Variants in ARMH4 observed in about 807,000 individuals in gnomAD.
ARMH4 encodes the protein armadillo like helical domain containing 4, also known as armadillo-like helical domain-containing protein 4.
A neutral mutation model predicts 61.9 loss-of-function variants in ARMH4; 49 were observed. That is an observed-to-expected ratio of 0.79 (90% CI 0.63 to 1.00). ARMH4 has a LOEUF of 1.00. Ranked by LOEUF, ARMH4 falls within the 50% of genes least tolerant of loss-of-function variation. The pLI is 0.00. For missense variants in ARMH4, 934 were observed against 930.0 expected (o/e 1.00, Z -0.06); for synonymous variants, 368 against 341.5 (o/e 1.08, Z -0.85).
chr14:58,029,131 C>T (rs7148795), intron 5 of ARMH4, among the ~76,000 whole-genome samples: 68,895 of 151,846 alleles, frequency 0.45, 16,287 homozygotes, highest in East Asian at 0.67. Context: ...TGGCAACCAC[C>T]CATTCACTTT....
intron 6 of ARMH4, among the ~76,000 whole-genome samples, chr14:58,010,867 C>A (rs1882384284): frequency 6.6e-6 from 1 of 150,740 alleles, no homozygotes; most frequent in Admixed American, 6.6e-5. Flanking sequence ...TCTTAAATAA[C>A]TCAGGATACT....
chr14:58,120,272 T>C (rs2141303114), intron 4 of ARMH4, among the ~76,000 whole-genome samples: 1 of 152,156 alleles, frequency 6.6e-6, no homozygotes, highest in South Asian at 2.1e-4. Context: ...ATATATGAGG[T>C]GTGTTGTTGA....
chr14:58,089,743 G>A (rs1885498540), intron 5 of ARMH4, among the ~76,000 whole-genome samples: 1 of 152,196 alleles, frequency 6.6e-6, no homozygotes. Context: ...AGGACAGCAA[G>A]GCTGATATAA....
chr14:58,029,102 C>G (rs933803032), intron 5 of ARMH4, among the ~76,000 whole-genome samples: 6 of 152,286 alleles, frequency 3.9e-5, no homozygotes, highest in African/African-American at 1.4e-4. Context: ...CCTCTCCATT[C>G]CCCTCACTCC....
chr14:58,139,871 G>A (rs1887473065), intron 1 of ARMH4, among the ~76,000 whole-genome samples: 1 of 152,188 alleles, frequency 6.6e-6, no homozygotes, highest in Non-Finnish European at 1.5e-5. Context: ...GAATTCATGT[G>A]TTGAAACCTA....
intron 5 of ARMH4, among the ~76,000 whole-genome samples, chr14:58,089,279 C>T (rs1352354880): frequency 6.6e-6 from 1 of 152,212 alleles, no homozygotes; most frequent in African/African-American, 2.4e-5. Flanking sequence ...TCTCACACTT[C>T]CCACTATTTT....
At chr14:58,041,079 T>C (rs1247714961) in intron 5 of ARMH4, among the ~76,000 whole-genome samples, 1 of 152,180 alleles carries the variant, frequency 6.6e-6, no homozygotes, top group Non-Finnish European at 1.5e-5. Flanking sequence ...ACTGAGGTAC[T>C]GGGTTCATCT....
intron 5 of ARMH4, among the ~76,000 whole-genome samples, chr14:58,030,733 G>A (rs1363579753): frequency 6.6e-6 from 1 of 152,174 alleles, no homozygotes; most frequent in Non-Finnish European, 1.5e-5. Flanking sequence ...TTGGGGATGG[G>A]CTTGTTTCAC....
intron 5 of ARMH4, among the ~76,000 whole-genome samples, chr14:58,028,398 G>A (rs1049893843): frequency 2.6e-5 from 4 of 152,128 alleles, no homozygotes; most frequent in Non-Finnish European, 1.5e-5. Context: ...TCTCTGAGTT[G>A]GGGATTCTTG....
intron 5 of ARMH4, among the ~76,000 whole-genome samples, chr14:58,090,910 G>GA (rs1566575364): frequency 1.4e-5 from 2 of 145,632 alleles, no homozygotes; most frequent in African/African-American, 2.5e-5. Context: ...GAAAAGAAAA[G>GA]AAAAAAAAGA....
intron 5 of ARMH4, among the ~76,000 whole-genome samples, chr14:58,070,261 C>G (rs909136295): frequency 6.6e-6 from 1 of 152,110 alleles, no homozygotes; most frequent in Non-Finnish European, 1.5e-5. Context: ...CAGGGCTGTA[C>G]TTGAATAGGG....
At chr14:58,062,822 A>G (rs1180841897) in intron 5 of ARMH4, among the ~76,000 whole-genome samples, 1 of 152,192 alleles carries the variant, frequency 6.6e-6, no homozygotes, top group African/African-American at 2.4e-5. Flanking sequence ...CCCTCCTGGG[A>G]GGTTACTGAA....
chr14:58,112,479 T>C (rs996406999), intron 4 of ARMH4, among the ~76,000 whole-genome samples: 4 of 152,172 alleles, frequency 2.6e-5, no homozygotes, highest in African/African-American at 4.8e-5. Context: ...CCTTTAACCC[T>C]GGCTATATCT....
At chr14:58,086,198 T>C (rs945149666) in intron 5 of ARMH4, among the ~76,000 whole-genome samples, 1 of 152,232 alleles carries the variant, frequency 6.6e-6, no homozygotes, top group Non-Finnish European at 1.5e-5. Context: ...GCGGCTAAGC[T>C]GATCAATGTA....
intron 5 of ARMH4, among the ~76,000 whole-genome samples, chr14:58,041,206 T>A (rs893994449): frequency 1.3e-5 from 2 of 152,122 alleles, no homozygotes; most frequent in African/African-American, 4.8e-5. Context: ...AGAATTCCCT[T>A]TCCTAGCCAA....
chr14:58,013,466 T>C (rs781334884), intron 5 of ARMH4, among the ~76,000 whole-genome samples: 19 of 152,204 alleles, frequency 1.2e-4, no homozygotes, highest in Admixed American at 2.6e-4. Flanking sequence ...ATATGGGCCA[T>C]GGACTACAGT....
At chr14:58,029,034 AC>A (rs1426480477) in intron 5 of ARMH4, among the ~76,000 whole-genome samples, 1 of 151,970 alleles carries the variant, frequency 6.6e-6, no homozygotes, top group African/African-American at 2.4e-5. Context: ...ATTTTTATCA[AC>A]ACCCCCCCTC....
At chr14:58,038,536 AAAATTT>A (rs1253314020) in intron 5 of ARMH4, among the ~76,000 whole-genome samples, 1 of 119,808 alleles carries the variant, frequency 8.3e-6, no homozygotes, top group Non-Finnish European at 1.9e-5. Context: ...CATGTACCCT[AAAATTT>A]AAAGTATAAT....
At chr14:58,134,848 C>T (rs1887252066) in intron 2 of ARMH4, among the ~76,000 whole-genome samples, 1 of 151,194 alleles carries the variant, frequency 6.6e-6, no homozygotes, top group African/African-American at 2.4e-5. Context: ...TCCCAGCCAC[C>T]CGGGAGGATG....
Sources: gnomAD v4.1 joint callset for allele counts (sites outside exome capture counted in the v4.1 genomes callset) on GRCh38, gnomAD v4.1.1 for gene constraint, MANE v1.5 for transcripts, NCBI Gene and HGNC (gene_info 2026-07-23, HGNC 2026-07-21) for gene names.